Variants in CAMTA1 observed in about 807,000 individuals in gnomAD.
CAMTA1 encodes calmodulin binding transcription activator 1.
A neutral mutation model predicts 170.9 loss-of-function variants in CAMTA1; 27 were observed. The ratio of observed to expected loss-of-function variants is 0.16; its 90% CI spans 0.12 to 0.22. CAMTA1 has a LOEUF of 0.22. CAMTA1 is among the 10% of genes least tolerant of loss of function. The pLI, the probability that CAMTA1 is intolerant of heterozygous loss-of-function variation, is 1.00. For synonymous variants in CAMTA1, 833 were observed against 891.5 expected, an observed-to-expected ratio of 0.93 and a Z score of 1.17; for missense variants, 1,619 against 2,217.2, an observed-to-expected ratio of 0.73 and a Z score of 5.42.
intron 3 of CAMTA1, among the ~76,000 whole-genome samples, chr1:6,988,578 A>G (rs1263044591): frequency 6.6e-6 from 1 of 152,156 alleles, no homozygotes; most frequent in Non-Finnish European, 1.5e-5. Context: ...TAGAAGCAGA[A>G]AAAAGCCTTT....
intron 6 of CAMTA1, among the ~76,000 whole-genome samples, chr1:7,573,680 C>T (rs554039501): frequency 4.9e-4 from 74 of 152,222 alleles, no homozygotes; most frequent in Non-Finnish European, 9.7e-4. Flanking sequence ...TTTGCAGGGC[C>T]TTCTCCCTGG....
intron 3 of CAMTA1, among the ~76,000 whole-genome samples, chr1:6,961,410 G>A (rs1690383986): frequency 6.6e-6 from 1 of 152,164 alleles, no homozygotes; most frequent in Admixed American, 6.5e-5. Context: ...CATCGTGACC[G>A]TGTAGGGAAT....
intron 4 of CAMTA1, among the ~76,000 whole-genome samples, chr1:7,127,247 CTT>C (rs61211407): frequency 5.7e-4 from 42 of 73,496 alleles, no homozygotes; most frequent in African/African-American, 2.3e-3. Flanking sequence ...GCCAGAGGGG[CTT>C]TTTTTTTTTT....
chr1:7,155,494 C>T (rs866338362), intron 4 of CAMTA1, among the ~76,000 whole-genome samples: 25 of 149,576 alleles, frequency 1.7e-4, no homozygotes, highest in Middle Eastern at 3.6e-3. Context: ...CTGTCATTAA[C>T]GAGCCATGAG....
chr1:6,863,055 A>G (rs1449837424), intron 3 of CAMTA1, among the ~76,000 whole-genome samples: 1 of 152,214 alleles, frequency 6.6e-6, no homozygotes, highest in African/African-American at 2.4e-5. Context: ...GTATATGTTC[A>G]AAGTATACAA....
rs1438547759 is a variant in CAMTA1 at position 7,144,467 on chromosome 1, A to G, written c.302+53096A>G. Among the ~76,000 whole-genome samples the G allele has an allele frequency of 6.6e-6, 1 of 152,166 alleles. No individual in the cohort carries two copies. The highest frequency in any genetic ancestry group is 1.5e-5 in the Non-Finnish European group (1 of 68,032). On this transcript the variant is annotated intron_variant, in intron 4 of 22. Coordinates refer to ENST00000303635, the MANE Select transcript of CAMTA1 (RefSeq NM_015215.4). This position sits in a 1 kb window ranked among gnomAD's most constrained non-coding sequence, Gnocchi z 4.0. ...CCACTGAGGGTAAGGGCCTGAACATATGAATTTTGGGGGACACAATTCAAC... is the reference window on the plus strand; with the variant it reads ...CCACTGAGGGTAAGGGCCTGAACATGTGAATTTTGGGGGACACAATTCAAC...
chr1:6,927,275 C>T (rs1417956612), intron 3 of CAMTA1, among the ~76,000 whole-genome samples: 2 of 152,034 alleles, frequency 1.3e-5, no homozygotes, highest in Non-Finnish European at 2.9e-5. Context: ...CTCAAGCAAT[C>T]GACCACGTCA....
chr1:7,377,757 T>C (rs2149042609), intron 5 of CAMTA1, among the ~76,000 whole-genome samples: 1 of 152,164 alleles, frequency 6.6e-6, no homozygotes, highest in East Asian at 1.9e-4. Context: ...CTGTCTCTAC[T>C]AAAAATGCAA....
At chr1:6,854,737 A>C (rs1661661743) in intron 3 of CAMTA1, among the ~76,000 whole-genome samples, 1 of 152,366 alleles carries the variant, frequency 6.6e-6, no homozygotes, top group Non-Finnish European at 1.5e-5. Flanking sequence ...TAAATCACTA[A>C]ATTAATAGAG....
chr1:7,016,260 A>C (rs1365331832), intron 3 of CAMTA1, among the ~76,000 whole-genome samples: 1 of 152,080 alleles, frequency 6.6e-6, no homozygotes, highest in Admixed American at 6.6e-5. Context: ...GGTTCCTTTC[A>C]GTGGCTGGGT....
rs768152554 is a variant in CAMTA1 at position 7,561,429 on chromosome 1, T to C, written c.511-78971T>C. The stretch of plus-strand genomic sequence containing the variant: ...CAGGAGCCTCCTCTTGGGAGTCACA[T>C]GGCCCCTGAGGGCATGGGACTCTCC... On this transcript the variant is annotated intron_variant, in intron 6 of 22. Coordinates refer to ENST00000303635, the MANE Select transcript of CAMTA1 (RefSeq NM_015215.4). The surrounding 1 kb of genome is among the most constrained non-coding windows in gnomAD (Gnocchi z 5.3). Among the ~76,000 whole-genome samples, 2 of 151,636 alleles carry C rather than the reference T, an allele frequency of 1.3e-5. No individual in the cohort carries two copies. Among genetic ancestry groups the C allele is most frequent in the Non-Finnish European group, 2.9e-5 (2 of 67,834 alleles).
At chr1:6,790,608 A>G (rs1163787863) in intron 1 of CAMTA1, among the ~76,000 whole-genome samples, 1 of 152,102 alleles carries the variant, frequency 6.6e-6, no homozygotes, top group Non-Finnish European at 1.5e-5. Flanking sequence ...ATTAACTGGT[A>G]TGGTTCATAG....
Position 7,751,388 on chromosome 1 carries a change from C to T in CAMTA1, c.4879C>T (p.Leu1627Phe), listed in dbSNP as rs770556470. The T allele has an allele frequency of 6.3e-7, 1 of 1,588,564 alleles. No homozygotes were observed. Among genetic ancestry groups the T allele is most frequent in the South Asian group, 1.1e-5 (1 of 87,038 alleles). Residue 1627 changes from leucine (L) to phenylalanine (F), a missense_variant, in exon 20 of 23, where the codon CTC becomes TTC. Physicochemically the swap from Leu to Phe is conservative, Grantham distance 22. Coordinates refer to ENST00000303635, the MANE Select transcript of CAMTA1 (RefSeq NM_015215.4). ...RRTAVIVQQKLRSSLLTKKQD... is the reference protein window; with the variant it reads ...RRTAVIVQQKFRSSLLTKKQD... ...GACGGCTGTGATTGTACAACAGAAA[C>T]TCAGGTGGGTGGAGAAGAGCTCATG...
At position 7,010,939 on chromosome 1, in the gene CAMTA1, C is replaced by T. The variant is rs1699687697; in HGVS notation, c.235-80365C>T. Among the ~76,000 whole-genome samples, 1 of 152,214 alleles carries T rather than the reference C, an allele frequency of 6.6e-6. No individual in the cohort carries two copies. Among genetic ancestry groups the T allele is most frequent in the Non-Finnish European group, 1.5e-5 (1 of 68,038 alleles). Reference sequence around the variant, plus strand: ...GCACTGAGCCCTGGGAACACCTGTGCCCAGGTGCAGGTGCTGGTGAGGGTG... The same window carrying T: ...GCACTGAGCCCTGGGAACACCTGTGTCCAGGTGCAGGTGCTGGTGAGGGTG... On this transcript the variant is annotated intron_variant, in intron 3 of 22. Transcript: ENST00000303635. The surrounding 1 kb of genome is among the most constrained non-coding windows in gnomAD (Gnocchi z 4.4).
chr1:7,229,418 T>TGAG (rs1662280663), intron 4 of CAMTA1, among the ~76,000 whole-genome samples: 1 of 95,080 alleles, frequency 1.1e-5, no homozygotes, highest in Non-Finnish European at 2.1e-5. Context: ...TGAGAGCAGG[T>TGAG]GAGAGGAGGG....
intron 3 of CAMTA1, among the ~76,000 whole-genome samples, chr1:6,830,444 A>G (rs559374335): frequency 6.7e-5 from 10 of 149,940 alleles, no homozygotes; most frequent in African/African-American, 2.2e-4. Flanking sequence ...CCCGGGTTCA[A>G]GCGATTCTCC....
At chr1:7,728,884 G>A (rs2096711024) in intron 11 of CAMTA1, among the ~76,000 whole-genome samples, 1 of 152,152 alleles carries the variant, frequency 6.6e-6, no homozygotes, top group African/African-American at 2.4e-5. Flanking sequence ...CACAGGATGA[G>A]AACGGCCGTG....
At chr1:6,831,699 A>G (rs1453781863) in intron 3 of CAMTA1, among the ~76,000 whole-genome samples, 1 of 152,200 alleles carries the variant, frequency 6.6e-6, no homozygotes, top group African/African-American at 2.4e-5. Context: ...TTCCTGTAAT[A>G]CACAGTTTCT....
intron 3 of CAMTA1, among the ~76,000 whole-genome samples, chr1:7,022,960 A>G (rs947380160): frequency 6.6e-6 from 1 of 152,174 alleles, no homozygotes; most frequent in Non-Finnish European, 1.5e-5. Flanking sequence ...GCCTTACTGG[A>G]GTTTCCACAG....
Sources: allele counts gnomAD v4.1 joint callset (sites outside exome capture counted in the v4.1 genomes callset), GRCh38; gene constraint gnomAD v4.1.1; non-coding constraint Gnocchi (gnomAD v3.1); transcripts MANE v1.5; gene names NCBI Gene and HGNC (gene_info 2026-07-23, HGNC 2026-07-21).